PHACTR1: variants seen among roughly 807,000 people sequenced by gnomAD.
The protein encoded by PHACTR1 is phosphatase and actin regulator 1.
A neutral mutation model predicts 69.2 loss-of-function variants in PHACTR1; 16 were observed. The ratio of observed to expected loss-of-function variants is 0.23; its 90% CI spans 0.16 to 0.35. The LOEUF (loss-of-function observed/expected upper bound fraction) is 0.35. PHACTR1 is among the 10% of genes least tolerant of loss of function. The pLI is 1.00. For missense variants in PHACTR1, 510 were observed against 734.7 expected (o/e 0.69, Z 3.54); for synonymous variants, 312 against 284.5 (o/e 1.10, Z -0.97).
chr6:12,724,913 T>A (rs1176422309), intron 3 of PHACTR1, among the ~76,000 whole-genome samples: 1 of 152,146 alleles, frequency 6.6e-6, no homozygotes, highest in African/African-American at 2.4e-5. Context: ...CACTAGGCAA[T>A]CCTAGTGACT....
intron 4 of PHACTR1, among the ~76,000 whole-genome samples, chr6:12,799,408 C>A (rs147096894): frequency 3.9e-5 from 6 of 151,982 alleles, no homozygotes; most frequent in Non-Finnish European, 8.8e-5. Flanking sequence ...ACTAGGTTTT[C>A]AAAATACTAG....
At chr6:13,077,241 A>T (rs1020383628) in intron 5 of PHACTR1, among the ~76,000 whole-genome samples, 5 of 151,770 alleles carry the variant, frequency 3.3e-5, no homozygotes, top group Non-Finnish European at 5.9e-5. Context: ...CACTTGTTTA[A>T]TTCTCCCTCT....
intron 4 of PHACTR1, among the ~76,000 whole-genome samples, chr6:12,988,125 C>T (rs1247676633): frequency 6.6e-6 from 1 of 152,122 alleles, no homozygotes; most frequent in Non-Finnish European, 1.5e-5. Context: ...CTAAGGTCAT[C>T]AATGTGAATT....
At chr6:12,842,689 G>A (rs762920592) in intron 4 of PHACTR1, among the ~76,000 whole-genome samples, 16 of 151,194 alleles carry the variant, frequency 1.1e-4, no homozygotes, top group South Asian at 8.4e-4. Context: ...CTGTAGGCAA[G>A]TACTATCATG....
intron 4 of PHACTR1, among the ~76,000 whole-genome samples, chr6:13,025,671 T>TTGTGTGTGTGTG (rs60800778): frequency 0.016 from 2,223 of 140,264 alleles, 56 homozygotes; most frequent in African/African-American, 0.047. Flanking sequence ...CATATATTAT[T>TTGTGTGTGTGTG]TGTGTGTGTG....
intron 5 of PHACTR1, among the ~76,000 whole-genome samples, chr6:13,056,319 G>A (rs1260817222): frequency 6.6e-6 from 1 of 152,152 alleles, no homozygotes; most frequent in East Asian, 1.9e-4. Context: ...AGGATTGCTT[G>A]AACCCAGGAG....
At chr6:12,942,120 A>G (rs1790120551) in intron 4 of PHACTR1, among the ~76,000 whole-genome samples, 1 of 152,208 alleles carries the variant, frequency 6.6e-6, no homozygotes, top group Admixed American at 6.5e-5. Flanking sequence ...TTCCAATGCC[A>G]CATCCCATCT....
At chr6:12,973,659 GC>G (rs761032521) in intron 4 of PHACTR1, among the ~76,000 whole-genome samples, 1 of 152,054 alleles carries the variant, frequency 6.6e-6, no homozygotes, top group Non-Finnish European at 1.5e-5. Context: ...TATCTATTTT[GC>G]TCTAGGGTTG....
chr6:12,728,443 G>A (rs1348473427), intron 3 of PHACTR1, among the ~76,000 whole-genome samples: 1 of 152,116 alleles, frequency 6.6e-6, no homozygotes, highest in Non-Finnish European at 1.5e-5. Flanking sequence ...TTATAAAACT[G>A]GGGGTATGAA....
At chr6:12,753,966 A>T (rs566686705) in intron 4 of PHACTR1, among the ~76,000 whole-genome samples, 2,648 of 39,574 alleles carry the variant, frequency 0.067, 97 homozygotes, top group African/African-American at 0.27. Context: ...ATATATATAT[A>T]TATATTTTTT....
At chr6:12,818,878 T>C (rs1431187483) in intron 4 of PHACTR1, among the ~76,000 whole-genome samples, 2 of 152,212 alleles carry the variant, frequency 1.3e-5, no homozygotes, top group Non-Finnish European at 1.5e-5. Context: ...TGGAAATCTG[T>C]TGGAAAGTAC....
intron 10 of PHACTR1, among the ~76,000 whole-genome samples, chr6:13,244,729 G>C (rs1379973183): frequency 2.0e-5 from 3 of 152,310 alleles, no homozygotes; most frequent in Admixed American, 2.0e-4. Context: ...CTGTTATCCT[G>C]TTCTTTTTTC....
At chr6:12,958,902 C>T (rs1403413136) in intron 4 of PHACTR1, among the ~76,000 whole-genome samples, 1 of 152,022 alleles carries the variant, frequency 6.6e-6, no homozygotes, top group Non-Finnish European at 1.5e-5. Context: ...AGGGGTCGGG[C>T]ACGGTGGCTC....
At chr6:13,124,203 C>T (rs1561863094) in intron 5 of PHACTR1, among the ~76,000 whole-genome samples, 1 of 152,166 alleles carries the variant, frequency 6.6e-6, no homozygotes, top group Non-Finnish European at 1.5e-5. Context: ...ACCATTGGGA[C>T]CTCTTGTTGA....
intron 4 of PHACTR1, among the ~76,000 whole-genome samples, chr6:12,824,734 A>G (rs1196819318): frequency 1.3e-5 from 2 of 152,132 alleles, no homozygotes; most frequent in Non-Finnish European, 2.9e-5. Context: ...CTATTAATAT[A>G]TTAGTTCTTG....
intron 8 of PHACTR1, among the ~76,000 whole-genome samples, chr6:13,219,515 C>T (rs1562014964): frequency 6.6e-6 from 1 of 152,140 alleles, no homozygotes; most frequent in East Asian, 1.9e-4. Context: ...CTGCACGACC[C>T]CTTTTTATCA....
chr6:13,203,390 T>A (rs1765489300), intron 7 of PHACTR1, among the ~76,000 whole-genome samples: 1 of 152,212 alleles, frequency 6.6e-6, no homozygotes, highest in South Asian at 2.1e-4. Context: ...AAACATGAGA[T>A]AATAATGGCA....
chr6:13,233,484 A>G lies in PHACTR1; in HGVS notation c.1391+3291A>G, dbSNP rs181149966. Among the ~76,000 whole-genome samples, 114 of 152,338 alleles carry G rather than the reference A, an allele frequency of 7.5e-4. 1 individual carries two copies. Among genetic ancestry groups the G allele is most frequent in the African/African-American group, 2.3e-3 (97 of 41,576 alleles). On this transcript the variant is annotated intron_variant, in intron 10 of 14. Coordinates refer to ENST00000332995, the MANE Select transcript of PHACTR1 (RefSeq NM_030948.6). ...AAGAAAAGAGGTTTAATTGACTCAC[A>G]GTTTCCCATGGCTGGAGAGGTCTCA...
chr6:13,275,710 G>A lies in PHACTR1; in HGVS notation c.1448-2558G>A, dbSNP rs1778751110. On this transcript the variant is annotated intron_variant, in intron 11 of 14. Transcript: ENST00000332995. This position sits in a 1 kb window ranked among gnomAD's most constrained non-coding sequence, Gnocchi z 4.0. The stretch of plus-strand genomic sequence containing the variant: ...TCAGATCCTCAGTTATAAACCAGGA[G>A]TGGTAGACGAGGTGGTCACTAGGTC... 6.6e-6 allele frequency: 1 copy of A among 152,184 alleles called. No homozygotes were observed. Among genetic ancestry groups the A allele is most frequent in the South Asian group, 2.1e-4 (1 of 4,824 alleles). The allele number at this position is 152,184 out of a possible 1,614,324, so 9.4% of individuals were successfully genotyped here.
Sources: allele counts gnomAD v4.1 joint callset (sites outside exome capture counted in the v4.1 genomes callset), GRCh38; gene constraint gnomAD v4.1.1; non-coding constraint Gnocchi (gnomAD v3.1); transcripts MANE v1.5; gene names NCBI Gene and HGNC (gene_info 2026-07-23, HGNC 2026-07-21).